The following LIPA variants were observed in gnomAD, a reference collection of about 807,000 sequenced individuals.
LIPA encodes lysosomal acid lipase/cholesteryl ester hydrolase.
LIPA carries 26 observed loss-of-function variants against 40.6 expected under a neutral mutation model. That is an observed-to-expected ratio of 0.64 (90% confidence interval 0.47 to 0.89). The LOEUF (loss-of-function observed/expected upper bound fraction) is 0.89, where lower values mean the gene tolerates loss of function less well. LIPA is among the 40% of genes least tolerant of loss of function. LIPA has a pLI of 0.00. For synonymous variants in LIPA, 188 were observed against 168.4 expected (o/e 1.12, Z -0.90); for missense variants, 455 against 479.6 (o/e 0.95, Z 0.48).
intron 2 of LIPA, chr10:89,403,713 G>T: frequency 6.6e-7 from 1 of 1,520,158 alleles, no homozygotes; most frequent in Non-Finnish European, 8.9e-7. Flanking sequence ...AGGTCCTTAG[G>T]CACCCAGATA....
chr10:89,306,546 C>G, intron 1 of LIPA: 3 of 1,614,100 alleles, frequency 1.9e-6, no homozygotes, highest in Non-Finnish European at 2.5e-6. Context: ...GCCATTGACC[C>G]TCTGAGGCAA....
intron 2 of LIPA, among the ~76,000 whole-genome samples, chr10:89,395,306 C>G (rs11203108): frequency 0.011 from 1,654 of 151,214 alleles, 21 homozygotes; most frequent in Middle Eastern, 0.024. Flanking sequence ...CCACAGGAAA[C>G]CCACCTAGGT....
intron 2 of LIPA, among the ~76,000 whole-genome samples, chr10:89,358,549 AAGAAAATGTAGCTTAT>A (rs1288833973): frequency 1.1e-4 from 16 of 152,368 alleles, no homozygotes; most frequent in African/African-American, 3.8e-4. Flanking sequence ...TGGATGAATA[AAGAAAATGTAGCTTAT>A]AGACACAGTG....
chr10:89,340,154 G>A (rs1300994627), intron 1 of LIPA: 2 of 1,549,130 alleles, frequency 1.3e-6, no homozygotes, highest in Non-Finnish European at 1.7e-6. Flanking sequence ...CAGAGCATCA[G>A]AAGCCTGCAG....
intron 2 of LIPA, among the ~76,000 whole-genome samples, chr10:89,374,510 A>G (rs1053918254): frequency 2.6e-5 from 4 of 152,222 alleles, no homozygotes; most frequent in African/African-American, 9.6e-5. Flanking sequence ...AAATTCAGTG[A>G]CCACATGACA....
In LIPA at chr10:89,331,136, C is replaced by G. The variant is rs538221014; in HGVS notation, c.-2+11475G>C. On this transcript the variant is annotated intron_variant, in intron 1 of 5. Transcript: ENST00000282673. Reference sequence around the variant, plus strand: ...CATAGGCAAAGACAGAGGTGTTCAACAGAATGACAACTTCTCTTGTTGTTG... The same window carrying G: ...CATAGGCAAAGACAGAGGTGTTCAAGAGAATGACAACTTCTCTTGTTGTTG... 2.0e-5 allele frequency among the ~76,000 whole-genome samples: 3 copies of G among 152,272 alleles called. No homozygotes were observed. The South Asian group carries it at 6.2e-4, about 32-fold the overall frequency.
rs187430618 is a variant in LIPA at position 89,403,753 on chromosome 10, A to C, written c.61+9038T>G. On this transcript the variant is annotated intron_variant, in intron 2 of 8. Transcript: ENST00000371837. ...CCACTTTCACATTTCATTTCATTTT[A>C]TGCTAACATTTACTAATCATCTTTT... 2.8e-6 allele frequency: 3 copies of C among 1,086,376 alleles called. No homozygotes were observed. The South Asian group carries it at 4.5e-5, about 16-fold the overall frequency. 67.3% of individuals were successfully genotyped at this position (1,086,376 alleles called of 1,614,324 possible). A position where few individuals can be genotyped will look rare whatever the true frequency, so the allele number is the denominator to read the frequency against.
At chr10:89,374,538 T>C (rs945562140) in intron 2 of LIPA, among the ~76,000 whole-genome samples, 2 of 152,240 alleles carry the variant, frequency 1.3e-5, no homozygotes, top group African/African-American at 4.8e-5. Flanking sequence ...ACTCTGTTTC[T>C]CTGACACGCT....
At chr10:89,375,343 G>A (rs118030938) in intron 2 of LIPA, among the ~76,000 whole-genome samples, 2,988 of 152,232 alleles carry the variant, frequency 0.02, 119 homozygotes, top group East Asian at 0.092. Flanking sequence ...CATCTTGTGC[G>A]CACAAAGACA....
chr10:89,378,699 G>C (rs183011807), intron 2 of LIPA, among the ~76,000 whole-genome samples: 5 of 152,332 alleles, frequency 3.3e-5, no homozygotes, highest in African/African-American at 9.6e-5. Flanking sequence ...TCCAAGCACA[G>C]AGCATGGTGA....
intron 3 of LIPA, among the ~76,000 whole-genome samples, chr10:89,236,063 T>C (rs2133448702): frequency 6.6e-6 from 1 of 152,210 alleles, no homozygotes; most frequent in East Asian, 1.9e-4. Flanking sequence ...CTGGAAATAA[T>C]AAAAAGTTAC....
chr10:89,221,226 T>A (rs1842694026), intron 8 of LIPA, among the ~76,000 whole-genome samples: 1 of 152,088 alleles, frequency 6.6e-6, no homozygotes, highest in Non-Finnish European at 1.5e-5. Context: ...AAAAATTTTT[T>A]TTTAAAATAA....
At chr10:89,276,821 A>G (rs750511507) in intron 1 of LIPA, among the ~76,000 whole-genome samples, 3 of 152,208 alleles carry the variant, frequency 2.0e-5, no homozygotes. Flanking sequence ...AATATCAATT[A>G]ATTAATAATT....
intron 1 of LIPA, among the ~76,000 whole-genome samples, chr10:89,291,176 T>C (rs969450684): frequency 2.0e-5 from 3 of 151,912 alleles, no homozygotes; most frequent in Non-Finnish European, 4.4e-5. Flanking sequence ...TCCTTCCTTC[T>C]CTCCAATCCT....
chr10:89,327,456 C>T (rs1843610660), intron 1 of LIPA, among the ~76,000 whole-genome samples: 1 of 151,922 alleles, frequency 6.6e-6, no homozygotes, highest in Non-Finnish European at 1.5e-5. Flanking sequence ...GAGGCTGAGG[C>T]AAGAGAATCA....
At chr10:89,304,603 A>C (rs1054927276) in intron 1 of LIPA, among the ~76,000 whole-genome samples, 8 of 152,228 alleles carry the variant, frequency 5.3e-5, no homozygotes, top group African/African-American at 1.9e-4. Flanking sequence ...ATACCACGAA[A>C]AAAAAATTTA....
intron 1 of LIPA, among the ~76,000 whole-genome samples, chr10:89,271,812 A>G (rs756544072): frequency 1.3e-5 from 2 of 152,176 alleles, no homozygotes; most frequent in Non-Finnish European, 2.9e-5. Flanking sequence ...TTGTAATCCC[A>G]ACAGTTTGGG....
intron 4 of LIPA, among the ~76,000 whole-genome samples, chr10:89,227,250 T>G (rs2254636): frequency 6.6e-6 from 1 of 152,168 alleles, no homozygotes; most frequent in African/African-American, 2.4e-5. Flanking sequence ...TTTTAAATAT[T>G]TCTGTAAGTA....
At chr10:89,324,001 A>G (rs1205465038) in intron 1 of LIPA, among the ~76,000 whole-genome samples, 1 of 152,250 alleles carries the variant, frequency 6.6e-6, no homozygotes, top group African/African-American at 2.4e-5. Flanking sequence ...AGCTGGAGGC[A>G]TCATGTTACC....
Sources: allele counts gnomAD v4.1 joint callset (sites outside exome capture counted in the v4.1 genomes callset), GRCh38; gene constraint gnomAD v4.1.1; transcripts MANE v1.5; gene names NCBI Gene and HGNC (gene_info 2026-07-23, HGNC 2026-07-21).